The following THAP12 variants were observed in gnomAD, a reference collection of about 807,000 sequenced individuals.
The protein encoded by THAP12 is 52 kDa repressor of the inhibitor of the protein kinase.
THAP12 carries 20 observed loss-of-function variants against 63.0 expected under a neutral mutation model. The ratio of observed to expected loss-of-function variants is 0.32; its 90% CI spans 0.22 to 0.46. The LOEUF is 0.46. Ranked by LOEUF, THAP12 falls within the 20% of genes least tolerant of loss-of-function variation. The pLI is 1.00. For missense variants in THAP12, 568 were observed against 908.2 expected (o/e 0.63, Z 4.81); for synonymous variants, 264 against 328.4 (o/e 0.80, Z 2.12).
rs78893395 is a variant in THAP12, at chr11:76,363,562, G to C, written c.210+2290C>G. ...TAAAGCCAAAACTCTTAAACATTTA[G>C]ATACAGATATCAGAAAATCCAGGGG... On this transcript the variant is annotated intron_variant, in intron 2 of 4. Coordinates refer to ENST00000260045, the MANE Select transcript of THAP12 (RefSeq NM_004705.4). 6.2e-4 allele frequency among the ~76,000 whole-genome samples: 91 copies of C among 147,094 alleles called. 1 individual carries two copies. In the East Asian group the frequency reaches 0.017, roughly 28 times the overall value.
chr11:76,381,003 G>A lies in THAP12; in HGVS notation c.-167C>T. ...AGAAGCCGCGAGGGCCAGGAGGGGTGCCGCGGTCCGAGGCCGGGCTGGGGA... is the reference window on the plus strand; with the variant it reads ...AGAAGCCGCGAGGGCCAGGAGGGGTACCGCGGTCCGAGGCCGGGCTGGGGA... On this transcript the variant is annotated 5_prime_UTR_variant, in exon 1 of 5. Transcript: ENST00000260045. 3.6e-6 allele frequency: 1 copy of A among 277,634 alleles called. No individual in the cohort carries two copies. The highest frequency in any genetic ancestry group is 6.4e-6 in the Non-Finnish European group (1 of 155,248). The allele number at this position is 277,634 out of a possible 1,614,324, so 17.2% of individuals were successfully genotyped here.
rs957342470 is a variant in THAP12 at position 76,350,443 on chromosome 11, TC to T, written c.*420del. ...TATAGATTTTTAACATACTTAAAAC[TC>T]CTATTAGTCAAAGGTCAATTGTGGG... On this transcript the variant is annotated 3_prime_UTR_variant, in exon 5 of 5. Coordinates refer to ENST00000260045, the MANE Select transcript of THAP12 (RefSeq NM_004705.4). 2.6e-5 allele frequency: 4 copies of T among 153,650 alleles called. No individual in the cohort carries two copies. The highest frequency in any genetic ancestry group is 9.6e-5 in the African/African-American group (4 of 41,550). The allele number at this position is 153,650 out of a possible 1,614,324, so 9.5% of individuals were successfully genotyped here.
chr11:76,379,611 T>C (rs1397773088), intron 1 of THAP12, among the ~76,000 whole-genome samples: 2 of 152,188 alleles, frequency 1.3e-5, no homozygotes, highest in African/African-American at 4.8e-5. Context: ...ATTCACCTTC[T>C]TAGTGAGGCC....
chr11:76,365,824 A>G, intron 2 of THAP12, 28 bp downstream of exon 2: 2 of 1,603,284 alleles, frequency 1.2e-6, no homozygotes, highest in Non-Finnish European at 1.7e-6. Flanking sequence ...AGTCAAACAG[A>G]GAGACACCAA....
chr11:76,369,939 T>G (rs920350342), intron 1 of THAP12, among the ~76,000 whole-genome samples: 1 of 152,236 alleles, frequency 6.6e-6, no homozygotes, highest in African/African-American at 2.4e-5. Flanking sequence ...AAATCTTCAC[T>G]GTGAGTACAA....
rs1279038162 is a variant in THAP12, at chr11:76,351,654, T to C, written c.1496A>G (p.Asn499Ser). 6.3e-7 allele frequency: 1 copy of C among 1,580,300 alleles called. No homozygotes were observed. Among genetic ancestry groups the C allele is most frequent in the Non-Finnish European group, 8.6e-7 (1 of 1,162,646 alleles). The change falls in exon 5 of 5, where the codon AAC (asparagine) becomes AGC (serine). Residue 499 changes from asparagine to serine, a missense_variant. By Grantham distance (46) the Asn-to-Ser change is conservative. Transcript: ENST00000260045. ...GACATCAGAGGTTTGCCCCTGGAGG[T>C]TTTTCCCAAAGGCTCTTGTAAAAGA... is the stretch of plus-strand genomic sequence containing the variant. ...VLSFTRAFGKNLQGQTSDVFF... is the reference protein window; with the variant it reads ...VLSFTRAFGKSLQGQTSDVFF...
chr11:76,357,029 C>G (rs531565652), intron 3 of THAP12: 2 of 148,262 alleles, frequency 1.3e-5, no homozygotes, highest in East Asian at 4.0e-4. Flanking sequence ...GCAACAAGAG[C>G]GAGACTCTGT....
intron 2 of THAP12, among the ~76,000 whole-genome samples, chr11:76,363,945 T>C (rs1276380247): frequency 3.9e-5 from 6 of 152,276 alleles, no homozygotes; most frequent in Admixed American, 3.3e-4. Context: ...CCTAGACGTA[T>C]AGAAAGAACA....
At chr11:76,372,860 C>A (rs1036737619) in intron 1 of THAP12, among the ~76,000 whole-genome samples, 1 of 151,820 alleles carries the variant, frequency 6.6e-6, no homozygotes, top group African/African-American at 2.4e-5. Context: ...GCACTCCAGC[C>A]TGGGTGACAG....
chr11:76,377,135 T>C (rs1290871121), intron 1 of THAP12, among the ~76,000 whole-genome samples: 2 of 152,196 alleles, frequency 1.3e-5, no homozygotes, highest in Non-Finnish European at 2.9e-5. Context: ...TACCACGGTT[T>C]TAAATACCCT....
rs1946532937 is a variant in THAP12, at chr11:76,352,321, G to T, written c.829C>A (p.Pro277Thr). 1.2e-6 allele frequency: 2 copies of T among 1,611,770 alleles called. No individual in the cohort carries two copies. Among genetic ancestry groups the T allele is most frequent in the Non-Finnish European group, 1.7e-6 (2 of 1,179,834 alleles). Residue 277 changes from proline to threonine, a missense_variant, in exon 5 of 5, where the codon CCT becomes ACT. Coordinates refer to ENST00000260045, the MANE Select transcript of THAP12 (RefSeq NM_004705.4). ...VVDIAGEEHL[P>T]VLVRFVDESH... ...TCATCAACAAACCTCACCAACACAGGTAGGTGCTCTTCCCCTGCTATGTCC... is the reference window on the plus strand; with the variant it reads ...TCATCAACAAACCTCACCAACACAGTTAGGTGCTCTTCCCCTGCTATGTCC...
intron 2 of THAP12, 27 bp downstream of exon 2, chr11:76,365,825 G>A: frequency 6.2e-7 from 1 of 1,603,298 alleles, no homozygotes; most frequent in Admixed American, 1.7e-5. Context: ...GTCAAACAGA[G>A]AGACACCAAG....
intron 1 of THAP12, among the ~76,000 whole-genome samples, chr11:76,367,304 G>T (rs866850785): frequency 6.6e-6 from 1 of 152,176 alleles, no homozygotes; most frequent in Non-Finnish European, 1.5e-5. Flanking sequence ...TCGAACTCCC[G>T]ACCTCAGGTG....
chr11:76,353,146 A>G (rs1254565993), intron 4 of THAP12, among the ~76,000 whole-genome samples: 2 of 152,158 alleles, frequency 1.3e-5, no homozygotes, highest in African/African-American at 4.8e-5. Context: ...CTCAGCTCCA[A>G]AGTACAAGGA....
At chr11:76,380,365 A>T (rs961655419) in intron 1 of THAP12, among the ~76,000 whole-genome samples, 3 of 152,172 alleles carry the variant, frequency 2.0e-5, no homozygotes, top group African/African-American at 7.2e-5. Context: ...GGCCACAACC[A>T]TAGAGTCCTG....
chr11:76,352,606 G>T lies in THAP12; in HGVS notation c.544C>A (p.Pro182Thr). 1 of 1,611,948 alleles carries T rather than the reference G, an allele frequency of 6.2e-7. No homozygotes were observed. Among genetic ancestry groups the T allele is most frequent in the South Asian group, 1.1e-5 (1 of 90,958 alleles). Residue 182 changes from proline to threonine, a missense_variant, in exon 5 of 5, where the codon CCT becomes ACT. Coordinates refer to ENST00000260045, the MANE Select transcript of THAP12 (RefSeq NM_004705.4). ...TCATCAGCCTCATGTCCATCCAGAGGTATGTTTTGCTTTCCCATCAGAATC... is the reference window on the plus strand; with the variant it reads ...TCATCAGCCTCATGTCCATCCAGAGTTATGTTTTGCTTTCCCATCAGAATC... Reference protein sequence around the residue: ...ILILMGKQNIPLDGHEADEIP... With the variant: ...ILILMGKQNITLDGHEADEIP...
chr11:76,354,434 C>T (rs538308137), intron 4 of THAP12, among the ~76,000 whole-genome samples: 1 of 152,342 alleles, frequency 6.6e-6, no homozygotes, highest in African/African-American at 2.4e-5. Context: ...TTAACAAGTA[C>T]TAATTCTCTT....
intron 1 of THAP12, among the ~76,000 whole-genome samples, chr11:76,370,465 C>A (rs1946665621): frequency 1.3e-5 from 2 of 151,752 alleles, no homozygotes; most frequent in Admixed American, 6.6e-5. Context: ...TGGGTTCAAG[C>A]GATTCTCCCA....
intron 1 of THAP12, among the ~76,000 whole-genome samples, chr11:76,374,624 A>G (rs1007123552): frequency 7.2e-5 from 11 of 152,250 alleles, no homozygotes; most frequent in African/African-American, 2.7e-4. Context: ...ACACAACACA[A>G]AATTTATCAA....
Sources: gnomAD v4.1 joint callset for allele counts (sites outside exome capture counted in the v4.1 genomes callset) on GRCh38, gnomAD v4.1.1 for gene constraint, MANE v1.5 for transcripts, NCBI Gene and HGNC (gene_info 2026-07-23, HGNC 2026-07-21) for gene names.